ADGRF1: variants seen among roughly 807,000 people sequenced by gnomAD.
ADGRF1 encodes the protein adhesion G protein-coupled receptor F1.
ADGRF1 carries 85 observed loss-of-function variants against 87.2 expected under a neutral mutation model. That is an observed-to-expected ratio of 0.97 (90% CI 0.82 to 1.17). The LOEUF is 1.17. Among genes scored for constraint, ADGRF1 ranks in the 50% most tolerant of loss-of-function variants. ADGRF1 has a pLI of 0.00. For synonymous variants in ADGRF1, 430 were observed against 408.8 expected (o/e 1.05, Z -0.63); for missense variants, 1,169 against 1,077.2 (o/e 1.09, Z -1.19).
chr6:47,030,088 T>A (rs551373538), intron 1 of ADGRF1, among the ~76,000 whole-genome samples: 1 of 152,306 alleles, frequency 6.6e-6, no homozygotes, highest in African/African-American at 2.4e-5. Flanking sequence ...AGCCCTTACC[T>A]TGCTTCCTGG....
chr6:47,009,593 A>G lies in ADGRF1; in HGVS notation c.1842T>C (p.Ile614=), dbSNP rs751144032. The G allele has an allele frequency of 6.8e-6, 11 of 1,614,040 alleles. No individual in the cohort carries two copies. Among genetic ancestry groups the G allele is most frequent in the Non-Finnish European group, 9.3e-6 (11 of 1,180,012 alleles). Residue 614 remains isoleucine, a synonymous_variant, in exon 11 of 15, where the codon ATT becomes ATC. Transcript: ENST00000371253. The stretch of plus-strand genomic sequence containing the variant: ...GTGTGTGAGAGGTTTGGCTTTTTTT[A>G]ATCTGCTTCCAAAACAAAGCCTCGA... The part of the protein sequence containing the change: ...LIIEALFWKQ[I]KKSQTSHTRR...
chr6:47,030,312 G>A (rs767582022), intron 1 of ADGRF1, among the ~76,000 whole-genome samples: 2 of 152,076 alleles, frequency 1.3e-5, no homozygotes, highest in African/African-American at 4.8e-5. Context: ...TTTTCCTTTC[G>A]GATGAATGGT....
At position 47,007,294 on chromosome 6, in the gene ADGRF1, C is replaced by T. The variant is rs1417247246; in HGVS notation, c.2491G>A (p.Gly831Arg). The change falls in exon 12 of 15, where the codon GGA (glycine) becomes AGA (arginine). Residue 831 changes from glycine to arginine, a missense_variant and splice_region_variant. By Grantham distance (125) the Gly-to-Arg change is moderately radical. Transcript: ENST00000371253. Reference protein sequence around the residue: ...VIFALLNAFQGFFILCFGILL... With the variant: ...VIFALLNAFQRFFILCFGILL... ...ATTCCAAAGCATAAGATAAAAAATC[C>T]CTTTAAAAAGAAAGGAATAAATCAC... The T allele has an allele frequency of 6.6e-7, 1 of 1,520,404 alleles. No homozygotes were observed. Among genetic ancestry groups the T allele is most frequent in the Non-Finnish European group, 9.1e-7 (1 of 1,097,708 alleles). 94.2% of individuals were successfully genotyped at this position (1,520,404 alleles called of 1,614,324 possible).
intron 7 of ADGRF1, chr6:47,019,273 C>G: frequency 2.1e-6 from 2 of 958,480 alleles, no homozygotes; most frequent in Non-Finnish European, 2.5e-6. Flanking sequence ...CTGTATAAAC[C>G]TCAATATAAA....
At chr6:47,037,402 T>C (rs1780616870) in intron 1 of ADGRF1, among the ~76,000 whole-genome samples, 1 of 152,260 alleles carries the variant, frequency 6.6e-6, no homozygotes, top group South Asian at 2.1e-4. Flanking sequence ...TGATTTGTAG[T>C]TCATCTTTAA....
chr6:47,021,408 T>TG (rs1196318745), intron 6 of ADGRF1, among the ~76,000 whole-genome samples: 1 of 152,212 alleles, frequency 6.6e-6, no homozygotes, highest in Non-Finnish European at 1.5e-5. Context: ...TCACCCAGGC[T>TG]GGAGTGCAGT....
rs937894735 is a variant in ADGRF1, at chr6:46,997,926, T to C, written c.*2296A>G. 1 of 152,188 alleles carries C rather than the reference T, an allele frequency of 6.6e-6. No homozygotes were observed. The highest frequency in any genetic ancestry group is 1.5e-5 in the Non-Finnish European group (1 of 68,028). 9.4% of individuals were successfully genotyped at this position (152,188 alleles called of 1,614,324 possible). Reference sequence around the variant, plus strand: ...TACTCAGGTAAGAGCAACATTTTGGTCATTTTAAATAGTTTGGTAATTATG... The same window carrying C: ...TACTCAGGTAAGAGCAACATTTTGGCCATTTTAAATAGTTTGGTAATTATG... On this transcript the variant is annotated 3_prime_UTR_variant, in exon 15 of 15. Coordinates refer to ENST00000371253, the MANE Select transcript of ADGRF1 (RefSeq NM_153840.4).
At chr6:47,032,001 C>G (rs564606466) in intron 1 of ADGRF1, among the ~76,000 whole-genome samples, 46 of 152,254 alleles carry the variant, frequency 3.0e-4, no homozygotes, top group Non-Finnish European at 2.9e-4. Context: ...GCCACCATGC[C>G]AGGGCAGCCC....
intron 3 of ADGRF1, among the ~76,000 whole-genome samples, chr6:47,026,586 T>C (rs1220327836): frequency 1.3e-5 from 2 of 152,156 alleles, no homozygotes; most frequent in Non-Finnish European, 2.9e-5. Flanking sequence ...CAGCACCTTT[T>C]CTTTCCCCAC....
At position 47,027,743 on chromosome 6, in the gene ADGRF1, T is replaced by C. The variant is rs751759243; in HGVS notation, c.88A>G (p.Thr30Ala). 20 of 1,591,110 alleles carry C rather than the reference T, an allele frequency of 1.3e-5. No homozygotes were observed. The highest frequency in any genetic ancestry group is 1.6e-5 in the Non-Finnish European group (18 of 1,159,990). Residue 30 changes from threonine (T) to alanine (A), a missense_variant, in exon 3 of 15, where the codon ACA becomes GCA. By Grantham distance (58) the Thr-to-Ala change is moderately conservative. Transcript: ENST00000371253. ...GFLGKNDGIK[T>A]KKELIVNKKK... ...TTATTCACAATGAGTTCTTTTTTTG[T>C]TTTGATGCCATCATTTTTCTGTTAA... is the stretch of plus-strand genomic sequence containing the variant.
intron 2 of ADGRF1, among the ~76,000 whole-genome samples, 156 bp from the exon 3 acceptor site, chr6:47,027,917 T>C (rs958981332): frequency 4.6e-5 from 7 of 152,050 alleles, no homozygotes; most frequent in African/African-American, 1.7e-4. Context: ...GGAGCAACTT[T>C]TAAGCAAACA....
intron 1 of ADGRF1, among the ~76,000 whole-genome samples, chr6:47,032,849 GA>G (rs1020622852): frequency 3.3e-5 from 5 of 152,092 alleles, no homozygotes; most frequent in African/African-American, 1.2e-4. Context: ...TCTGGAAATG[GA>G]GGGATCCCAG....
chr6:47,027,289 A>G (rs2113901052), intron 3 of ADGRF1, among the ~76,000 whole-genome samples: 1 of 152,338 alleles, frequency 6.6e-6, no homozygotes, highest in African/African-American at 2.4e-5. Flanking sequence ...TGCATGGTAT[A>G]AAAGCTATTG....
chr6:47,027,103 AC>A (rs1441089208), intron 3 of ADGRF1, among the ~76,000 whole-genome samples: 1 of 152,222 alleles, frequency 6.6e-6, no homozygotes, highest in Non-Finnish European at 1.5e-5. Flanking sequence ...TAGTCCTGCC[AC>A]ATAGTAACAT....
chr6:47,039,484 C>A (rs1780676577), intron 1 of ADGRF1, among the ~76,000 whole-genome samples: 1 of 152,220 alleles, frequency 6.6e-6, no homozygotes, highest in Non-Finnish European at 1.5e-5. Flanking sequence ...ATGAGATTAT[C>A]TGTGGCTTAC....
intron 1 of ADGRF1, among the ~76,000 whole-genome samples, chr6:47,035,130 T>C (rs1243799954): frequency 6.6e-6 from 1 of 152,242 alleles, no homozygotes; most frequent in African/African-American, 2.4e-5. Flanking sequence ...GCTGCAAGCC[T>C]CATGGGTTGG....
chr6:46,999,081 A>C lies in ADGRF1; in HGVS notation c.*1141T>G, dbSNP rs1437945886. On this transcript the variant is annotated 3_prime_UTR_variant, in exon 15 of 15. Transcript: ENST00000371253. Reference sequence around the variant, plus strand: ...AAAGGCTCGGGTTCCTCTGGGCACTATGGTCACGGCTGAAACTCAGGTAGG... The same window carrying C: ...AAAGGCTCGGGTTCCTCTGGGCACTCTGGTCACGGCTGAAACTCAGGTAGG... 6.6e-6 allele frequency: 1 copy of C among 152,290 alleles called. No individual in the cohort carries two copies. The highest frequency in any genetic ancestry group is 1.5e-5 in the Non-Finnish European group (1 of 68,090). 9.4% of individuals were successfully genotyped at this position (152,290 alleles called of 1,614,324 possible).
At chr6:47,037,050 G>T (rs1780607298) in intron 1 of ADGRF1, among the ~76,000 whole-genome samples, 1 of 152,180 alleles carries the variant, frequency 6.6e-6, no homozygotes, top group Non-Finnish European at 1.5e-5. Flanking sequence ...TATATATGTT[G>T]AGTTTTTCTA....
chr6:47,012,357 T>C, intron 9 of ADGRF1, 162 bp from the exon 10 acceptor site: 4 of 1,316,988 alleles, frequency 3.0e-6, no homozygotes, highest in South Asian at 2.0e-5. Context: ...CAGTGATTTC[T>C]ATATTTTAGA....
Sources: gnomAD v4.1 joint callset for allele counts (sites outside exome capture counted in the v4.1 genomes callset) on GRCh38, gnomAD v4.1.1 for gene constraint, MANE v1.5 for transcripts, NCBI Gene and HGNC (gene_info 2026-07-23, HGNC 2026-07-21) for gene names.